Variants in MICAL1 observed in about 807,000 individuals in gnomAD.
The protein encoded by MICAL1 is microtubule associated monooxygenase, calponin and LIM domain containing 1.
MICAL1 carries 95 observed loss-of-function variants against 131.8 expected under a neutral mutation model. That is an observed-to-expected ratio of 0.72 (90% CI 0.61 to 0.86). MICAL1 has a LOEUF of 0.86. Among genes scored for constraint, MICAL1 ranks in the 40% least tolerant of loss-of-function variants. The pLI is 0.00. For synonymous variants in MICAL1, 546 were observed against 554.2 expected, an observed-to-expected ratio of 0.99 and a Z score of 0.21; for missense variants, 1,292 against 1,380.6, an observed-to-expected ratio of 0.94 and a Z score of 1.02.
Position 109,455,562 on chromosome 6 carries a change from G to T in MICAL1, c.-44+157C>A. 1 of 412,790 alleles carries T rather than the reference G, an allele frequency of 2.4e-6. No individual in the cohort carries two copies. Among genetic ancestry groups the T allele is most frequent in the Non-Finnish European group, 3.3e-6 (1 of 305,748 alleles). The allele number at this position is 412,790 out of a possible 1,614,324, so 25.6% of individuals were successfully genotyped here. ...GGGGTCCCCGACACTGGACGGCAAA[G>T]TCCGGACGCGGCGTGAGCAGGGCTG... On this transcript the variant is annotated intron_variant, in intron 1 of 24. Transcript: ENST00000358807. This position sits in a 1 kb window ranked among gnomAD's most constrained non-coding sequence, Gnocchi z 4.7.
At position 109,453,812 on chromosome 6, in the gene MICAL1, G is replaced by A. The variant is rs200600122; in HGVS notation, c.292C>T (p.Arg98Trp). 3.7e-5 allele frequency: 60 copies of A among 1,613,386 alleles called. No individual in the cohort carries two copies. The Middle Eastern group carries it at 8.2e-4, about 22-fold the overall frequency. ...LVVGAGPCGLRVAVELALLGA... is the reference protein window; with the variant it reads ...LVVGAGPCGLWVAVELALLGA... ...AGCAGCGCCAGCTCCACAGCGACCC[G>A]CAGCCCGCAAGGTCCAGCACCCACC... Residue 98 changes from arginine (R) to tryptophan (W), a missense_variant, in exon 3 of 25, where the codon CGG becomes TGG. By Grantham distance (101) the Arg-to-Trp change is moderately radical. Transcript: ENST00000358807.
At position 109,450,352 on chromosome 6, in the gene MICAL1, T is replaced by C. The variant is rs1775486353; in HGVS notation, c.1139A>G (p.Glu380Gly). 5 of 1,611,076 alleles carry C rather than the reference T, an allele frequency of 3.1e-6. No homozygotes were observed. Among genetic ancestry groups the C allele is most frequent in the African/African-American group, 1.3e-5 (1 of 74,894 alleles). Residue 380 changes from glutamate (E) to glycine (G), a missense_variant, in exon 8 of 25, where the codon GAG becomes GGG. Glu to Gly is a moderately conservative substitution (Grantham distance 98, BLOSUM62 -2). Transcript: ENST00000358807. ...MRAESSARVQ[E>G]KHGARLLLGL... ...CAGCAGCAGGCGGGCGCCATGCTTC[T>C]CTTGCACACGAGCAGAACTCTCTGC...
chr6:109,451,418 T>C (rs1278183126), intron 7 of MICAL1, among the ~76,000 whole-genome samples, 182 bp downstream of exon 7: 1 of 152,140 alleles, frequency 6.6e-6, no homozygotes, highest in Non-Finnish European at 1.5e-5. Flanking sequence ...CTTCCCAAAG[T>C]GCTGGGATTA....
Position 109,446,428 on chromosome 6 carries a change from T to TGTGGTCTAGTCAGTGACCTGCCCAGG in MICAL1, c.2305-17_2305-16insCCTGGGCAGGTCACTGACTAGACCAC. On this transcript the variant is annotated splice_polypyrimidine_tract_variant and intron_variant, in intron 18 of 24. Coordinates refer to ENST00000358807, the MANE Select transcript of MICAL1 (RefSeq NM_022765.4). ...TGGGGAGCTCCTGGAAAAGCCACCA[T>TGTGGTCTAGTCAGTGACCTGCCCAGG]GTGGAGTGAGGTCGGGGGGTGAGGC... 6.2e-7 allele frequency: 1 copy of TGTGGTCTAGTCAGTGACCTGCCCAGG among 1,612,628 alleles called. No homozygotes were observed. Among genetic ancestry groups the TGTGGTCTAGTCAGTGACCTGCCCAGG allele is most frequent in the Non-Finnish European group, 8.5e-7 (1 of 1,179,652 alleles).
At chr6:109,449,849 G>C in intron 9 of MICAL1, 66 bp from the exon 10 acceptor site, 1 of 1,584,192 alleles carries the variant, frequency 6.3e-7, no homozygotes, top group African/African-American at 1.3e-5. Context: ...CCACCTCTCA[G>C]GAACTGCCAG....
In MICAL1 at chr6:109,449,251, C is replaced by CCAGCAGG. The variant is rs1330532644; in HGVS notation, c.1516+142_1516+148dup. On this transcript the variant is annotated intron_variant, in intron 11 of 24. Transcript: ENST00000358807. Reference sequence around the variant, plus strand: ...TGTGCGGTGCTGCCCCTCCGTTCCTCCAGCAGGCCCCCAACCAACCCACCA... The same window carrying CCAGCAGG: ...TGTGCGGTGCTGCCCCTCCGTTCCTCCAGCAGGCAGCAGGCCCCCAACCAACCCACCA... The CCAGCAGG allele has an allele frequency of 5.9e-6, 5 of 854,274 alleles. No homozygotes were observed. The African/African-American group carries it at 8.3e-5, about 14-fold the overall frequency. 52.9% of individuals were successfully genotyped at this position (854,274 alleles called of 1,614,324 possible). A position where few individuals can be genotyped will look rare whatever the true frequency, so the allele number is the denominator to read the frequency against.
rs998496364 is a variant in MICAL1, at chr6:109,447,856, C to A, written c.1944+19G>T. On this transcript the variant is annotated intron_variant, in intron 14 of 24. Coordinates refer to ENST00000358807, the MANE Select transcript of MICAL1 (RefSeq NM_022765.4). ...CCCACTCCTCCCTGCTCAGCTCCAGCCCTGCCTAAACTCTCCACCTTGGCC... is the reference window on the plus strand; with the variant it reads ...CCCACTCCTCCCTGCTCAGCTCCAGACCTGCCTAAACTCTCCACCTTGGCC... 1 of 1,612,890 alleles carries A rather than the reference C, an allele frequency of 6.2e-7. No homozygotes were observed. The highest frequency in any genetic ancestry group is 8.5e-7 in the Non-Finnish European group (1 of 1,179,282).
intron 6 of MICAL1, 41 bp from the exon 7 acceptor site, chr6:109,451,741 T>G: frequency 6.2e-7 from 1 of 1,609,808 alleles, no homozygotes; most frequent in African/African-American, 1.3e-5. Flanking sequence ...TGTCTCCTGA[T>G]AATGCATCAC....
At chr6:109,465,785 G>A (rs1032024698) in exon 1 of MICAL1, 78 of 1,613,818 alleles carry the variant, frequency 4.8e-5, no homozygotes, top group South Asian at 3.5e-4. Context: ...GATTTCAAGC[G>A]TTCAAAATCC....
At chr6:109,451,856 C>T in intron 6 of MICAL1, 156 bp from the exon 7 acceptor site, 1 of 1,426,712 alleles carries the variant, frequency 7.0e-7, no homozygotes, top group South Asian at 1.5e-5. Flanking sequence ...ATGACACAAA[C>T]AACCATCTGT....
intron 1 of MICAL1, chr6:109,465,446 T>C: frequency 1.7e-6 from 1 of 587,944 alleles, no homozygotes; most frequent in Non-Finnish European, 3.0e-6. Flanking sequence ...CAAACCATTC[T>C]GCCCAGTTCA....
chr6:109,465,445 CT>C, intron 1 of MICAL1: 1 of 585,214 alleles, frequency 1.7e-6, no homozygotes, highest in South Asian at 2.2e-5. Context: ...ACAAACCATT[CT>C]GCCCAGTTCA....
intron 1 of MICAL1, among the ~76,000 whole-genome samples, chr6:109,460,907 T>G (rs1336654280): frequency 1.3e-5 from 2 of 152,196 alleles, no homozygotes; most frequent in Non-Finnish European, 2.9e-5. Flanking sequence ...TCCTGTTAAC[T>G]AAGACATTTT....
In MICAL1 at chr6:109,446,203, G is replaced by A. The variant is rs770153820; in HGVS notation, c.2514C>T (p.Ser838=). 138 of 1,597,582 alleles carry A rather than the reference G, an allele frequency of 8.6e-5. No individual in the cohort carries two copies. Among genetic ancestry groups the A allele is most frequent in the East Asian group, 3.4e-4 (15 of 44,754 alleles). The change falls in exon 19 of 25, where the codon TCC becomes TCT. Residue 838 remains serine (S), a synonymous_variant. Coordinates refer to ENST00000358807, the MANE Select transcript of MICAL1 (RefSeq NM_022765.4). The part of the protein sequence containing the change: ...EPPPKPPRSC[S]ALARHALESS... ...TCTCCAGGGCGTGGCGGGCCAAGGC[G>A]GAGCAGCTGCGGGGAGGCTTGGGTG...
chr6:109,464,321 T>G (rs1216264633), intron 1 of MICAL1: 1 of 152,218 alleles, frequency 6.6e-6, no homozygotes, highest in African/African-American at 2.4e-5. Context: ...TGAAGAATTC[T>G]CTATTACTCT....
chr6:109,450,574 G>C lies in MICAL1; in HGVS notation c.934-17C>G. ...TGGCCAGTCCTGTATGGTCAACAGA[G>C]CAGAACCTCAGAGACCTCTGAGAGC... On this transcript the variant is annotated splice_polypyrimidine_tract_variant and intron_variant, in intron 7 of 24. Transcript: ENST00000358807. 6.3e-7 allele frequency: 1 copy of C among 1,589,110 alleles called. No individual in the cohort carries two copies. Among genetic ancestry groups the C allele is most frequent in the Admixed American group, 1.7e-5 (1 of 59,394 alleles).
At chr6:109,446,536 T>A (rs1775226577) in intron 18 of MICAL1, 124 bp from the exon 19 acceptor site, 8 of 1,402,770 alleles carry the variant, frequency 5.7e-6, no homozygotes, top group Non-Finnish European at 8.0e-6. Flanking sequence ...TTTTAGATAC[T>A]TGAGAGAACA....
chr6:109,447,133 G>T lies in MICAL1; in HGVS notation c.2167C>A (p.Arg723Ser), dbSNP rs149976085. 1.2e-6 allele frequency: 2 copies of T among 1,614,188 alleles called. No homozygotes were observed. Among genetic ancestry groups the T allele is most frequent in the South Asian group, 2.2e-5 (2 of 91,086 alleles). ...NGHFFHRSCF[R>S]CHTCEATLWP... is the part of the protein sequence containing the mutation. ...AGTGTGGCCTCACAGGTATGGCAGC[G>T]GAAGCAGCTCCGGTGGAAGAAATGG... The change falls in exon 17 of 25, where the codon CGC becomes AGC. Residue 723 changes from arginine (R) to serine (S), a missense_variant. Coordinates refer to ENST00000358807, the MANE Select transcript of MICAL1 (RefSeq NM_022765.4).
upstream of MICAL1, chr6:109,455,873 G>A: frequency 4.1e-6 from 4 of 985,570 alleles, no homozygotes; most frequent in Non-Finnish European, 4.8e-6. The surrounding 1 kb of genome is among the most constrained non-coding windows in gnomAD (Gnocchi z 4.7). Context: ...CTGGAGTCGC[G>A]CGGAGTGTGG....
Sources: allele counts gnomAD v4.1 joint callset (sites outside exome capture counted in the v4.1 genomes callset), GRCh38; gene constraint gnomAD v4.1.1; non-coding constraint Gnocchi (gnomAD v3.1); transcripts MANE v1.5; gene names NCBI Gene and HGNC (gene_info 2026-07-23, HGNC 2026-07-21).